The following BCR variants were observed in gnomAD, a reference collection of about 807,000 sequenced individuals.
The protein encoded by BCR is breakpoint cluster region protein.
BCR carries 58 observed loss-of-function variants against 138.6 expected under a neutral mutation model. That is an observed-to-expected ratio of 0.42 (90% CI 0.34 to 0.52). BCR has a LOEUF of 0.52. Ranked by LOEUF, BCR falls within the 20% of genes least tolerant of loss-of-function variation. BCR has a pLI of 0.06. For missense variants in BCR, 1,599 were observed against 1,727.2 expected, an observed-to-expected ratio of 0.93 and a Z score of 1.32; for synonymous variants, 786 against 730.1, an observed-to-expected ratio of 1.08 and a Z score of -1.23.
intron 4 of BCR, chr22:23,265,083 C>T (rs2073423676): frequency 6.6e-6 from 1 of 152,152 alleles, no homozygotes; most frequent in Non-Finnish European, 1.5e-5. Flanking sequence ...AACACACATC[C>T]AGAGCTCTTT....
chr22:23,313,688 AG>A (rs1248410273), intron 20 of BCR, among the ~76,000 whole-genome samples: 12 of 152,042 alleles, frequency 7.9e-5, no homozygotes, highest in African/African-American at 2.7e-4. Flanking sequence ...GAGTTGTCCA[AG>A]GGCAGCTCTG....
intron 13 of BCR, chr22:23,290,048 A>G: frequency 1.9e-6 from 1 of 539,120 alleles, no homozygotes; most frequent in East Asian, 3.2e-5. Flanking sequence ...ATGTGTCCAC[A>G]CACACCCCAC....
At chr22:23,304,842 C>T (rs1157191122) in intron 16 of BCR, among the ~76,000 whole-genome samples, 4 of 152,272 alleles carry the variant, frequency 2.6e-5, no homozygotes, top group Non-Finnish European at 4.4e-5. Flanking sequence ...AGGCCAGGCG[C>T]GGTGGCTTAC....
chr22:23,198,247 G>A (rs550623878), intron 1 of BCR: 22 of 442,926 alleles, frequency 5.0e-5, no homozygotes, highest in Admixed American at 4.4e-4. Context: ...TTCAGGATTA[G>A]GGTCCGAGTG....
In BCR at chr22:23,315,689, A is replaced by T; in HGVS notation, c.*167A>T. ...AAGCCGAAGGACAGGTGGCCTGGAA[A>T]GATCCCGCCCAGGTCTGGGAGCCCC... On this transcript the variant is annotated 3_prime_UTR_variant, in exon 23 of 23. Transcript: ENST00000305877. The T allele has an allele frequency of 1.4e-6, 1 of 730,696 alleles. No individual in the cohort carries two copies. The highest frequency in any genetic ancestry group is 2.8e-5 in the East Asian group (1 of 35,704). 45.3% of individuals were successfully genotyped at this position (730,696 alleles called of 1,614,324 possible).
At chr22:23,240,050 T>C (rs1000978812) in intron 1 of BCR, among the ~76,000 whole-genome samples, 1 of 152,086 alleles carries the variant, frequency 6.6e-6, no homozygotes, top group African/African-American at 2.4e-5. Context: ...ACTCCTGGCC[T>C]GAAGTGATCC....
chr22:23,261,273 C>G, intron 3 of BCR, 82 bp from the exon 4 acceptor site: 1 of 1,428,168 alleles, frequency 7.0e-7, no homozygotes. Flanking sequence ...GTCAGGTAAC[C>G]ATGACTGTCT....
At chr22:23,279,595 C>T (rs2073619366) in intron 8 of BCR, among the ~76,000 whole-genome samples, 1 of 152,248 alleles carries the variant, frequency 6.6e-6, no homozygotes, top group Non-Finnish European at 1.5e-5. Context: ...CCCCACCAGC[C>T]AGCAGCTGGA....
chr22:23,198,987 G>A (rs941334060), intron 1 of BCR, among the ~76,000 whole-genome samples: 1 of 152,006 alleles, frequency 6.6e-6, no homozygotes, highest in African/African-American at 2.4e-5. Flanking sequence ...CTGGACGTGG[G>A]GGTGCACACC....
rs2073737422 is a variant in BCR at position 23,288,004 on chromosome 22, T to TA, written c.2527-92dup. The stretch of plus-strand genomic sequence containing the variant: ...CCACTGGGCTCCAGCCGGCTGGAGA[T>TA]ACGAGTTGTGTGCTCTAAGGTGCCC... On this transcript the variant is annotated intron_variant, in intron 11 of 22. Coordinates refer to ENST00000305877, the MANE Select transcript of BCR (RefSeq NM_004327.4). The TA allele has an allele frequency of 4.9e-6, 6 of 1,225,644 alleles. No individual in the cohort carries two copies. In the Admixed American group the frequency reaches 8.5e-5, roughly 17 times the overall value. The allele number at this position is 1,225,644 out of a possible 1,614,324, so 75.9% of individuals were successfully genotyped here.
rs532427793 is a variant in BCR, at chr22:23,304,369, C to A, written c.3013-5055C>A. Among the ~76,000 whole-genome samples the A allele has an allele frequency of 1.1e-4, 16 of 152,264 alleles. No homozygotes were observed. In the South Asian group the frequency reaches 3.3e-3, roughly 32 times the overall value. ...GGGCTTTTTTGACTGATTTCCTCCACTTACCATTATGTTTTTGAGGTTTAT... is the reference window on the plus strand; with the variant it reads ...GGGCTTTTTTGACTGATTTCCTCCAATTACCATTATGTTTTTGAGGTTTAT... On this transcript the variant is annotated intron_variant, in intron 16 of 22. Transcript: ENST00000305877.
intron 1 of BCR, among the ~76,000 whole-genome samples, chr22:23,211,655 T>TTTTTTG (rs1555875373): frequency 1.3e-5 from 2 of 151,674 alleles, no homozygotes; most frequent in African/African-American, 4.9e-5. Context: ...TGGCTAGTTT[T>TTTTTTG]TTTTGTTTTG....
At chr22:23,258,855 C>T (rs1333022370) in intron 2 of BCR, among the ~76,000 whole-genome samples, 5 of 152,220 alleles carry the variant, frequency 3.3e-5, no homozygotes, top group Non-Finnish European at 5.9e-5. Context: ...GATCAGGGAC[C>T]ACCGCCCCAG....
intron 1 of BCR, among the ~76,000 whole-genome samples, chr22:23,184,640 T>G (rs1293529133): frequency 6.6e-6 from 1 of 152,188 alleles, no homozygotes; most frequent in African/African-American, 2.4e-5. Context: ...GGTGCCTCAT[T>G]ATTACCCAAA....
chr22:23,281,232 CCCTGG>C (rs1318822922), intron 8 of BCR, among the ~76,000 whole-genome samples: 1 of 152,272 alleles, frequency 6.6e-6, no homozygotes, highest in Non-Finnish European at 1.5e-5. Context: ...GCCACTGAGG[CCCTGG>C]CCCTCTCTGT....
At chr22:23,258,133 C>T (rs1251993193) in intron 2 of BCR, among the ~76,000 whole-genome samples, 1 of 152,152 alleles carries the variant, frequency 6.6e-6, no homozygotes, top group Non-Finnish European at 1.5e-5. Flanking sequence ...CCCCCACACA[C>T]ATGTACGTGT....
intron 5 of BCR, among the ~76,000 whole-genome samples, chr22:23,269,919 G>A (rs1034640361): frequency 1.3e-5 from 2 of 152,160 alleles, no homozygotes; most frequent in African/African-American, 4.8e-5. Flanking sequence ...ATCACGTGGT[G>A]CCACCAACCA....
chr22:23,278,560 C>G (rs8141608), intron 8 of BCR, among the ~76,000 whole-genome samples: 35,189 of 152,042 alleles, frequency 0.23, 4,431 homozygotes, highest in Middle Eastern at 0.3. Context: ...AACCCCGTCT[C>G]CACTAAAAAT....
At chr22:23,238,329 G>GA (rs1178367864) in intron 1 of BCR, among the ~76,000 whole-genome samples, 1 of 152,074 alleles carries the variant, frequency 6.6e-6, no homozygotes, top group Non-Finnish European at 1.5e-5. Context: ...TTTTCCGGGG[G>GA]AAAATCCATT....
Sources: gnomAD v4.1 joint callset for allele counts (sites outside exome capture counted in the v4.1 genomes callset) on GRCh38, gnomAD v4.1.1 for gene constraint, MANE v1.5 for transcripts, NCBI Gene and HGNC (gene_info 2026-07-23, HGNC 2026-07-21) for gene names.